The following ACAP2 variants were observed in gnomAD, a reference collection of about 807,000 sequenced individuals.
The protein encoded by ACAP2 is arf-GAP with coiled-coil, ANK repeat and PH domain-containing protein 2.
A neutral mutation model predicts 115.8 loss-of-function variants in ACAP2; 39 were observed. That is an observed-to-expected ratio of 0.34 (90% CI 0.26 to 0.44). The LOEUF is 0.44. ACAP2 is among the 20% of genes least tolerant of loss of function. The probability of loss-of-function intolerance (pLI) is 1.00; values close to 1 mark genes in which losing one functional copy is unlikely to be tolerated. For synonymous variants in ACAP2, 289 were observed against 315.8 expected, an observed-to-expected ratio of 0.92 and a Z score of 0.90; for missense variants, 662 against 927.6, an observed-to-expected ratio of 0.71 and a Z score of 3.72.
At chr3:195,373,012 A>AAAAAAAAAAAAAAAAC (rs1733273954) in intron 4 of ACAP2, among the ~76,000 whole-genome samples, 1 of 146,332 alleles carries the variant, frequency 6.8e-6, no homozygotes, top group African/African-American at 2.5e-5. Context: ...AAAAAAAAAA[A>AAAAAAAAAAAAAAAAC]GCCTAATGAT....
At chr3:195,363,471 C>T (rs562421111) in intron 4 of ACAP2, among the ~76,000 whole-genome samples, 4 of 152,134 alleles carry the variant, frequency 2.6e-5, no homozygotes, top group East Asian at 1.9e-4. Context: ...GAAGAAACTC[C>T]GTCTCTACTA....
intron 1 of ACAP2, among the ~76,000 whole-genome samples, chr3:195,427,759 AAGTT>A (rs1265892188): frequency 1.3e-5 from 2 of 151,878 alleles, no homozygotes; most frequent in African/African-American, 4.8e-5. Context: ...AAAATACAAA[AAGTT>A]AGCCAGATGT....
chr3:195,279,133 G>T lies in ACAP2; in HGVS notation c.*195C>A. On this transcript the variant is annotated 3_prime_UTR_variant, in exon 23 of 23. Coordinates refer to ENST00000326793, the MANE Select transcript of ACAP2 (RefSeq NM_012287.6). ...TAAATAGGCTTTTTTAATAAAAGAG[G>T]TCCTAAACTAGGTTCCTCTCCTACT... The T allele has an allele frequency of 2.3e-6, 1 of 433,496 alleles. No individual in the cohort carries two copies. Among genetic ancestry groups the T allele is most frequent in the Non-Finnish European group, 4.0e-6 (1 of 248,448 alleles). The allele number at this position is 433,496 out of a possible 1,614,324, so 26.9% of individuals were successfully genotyped here. A position where few individuals can be genotyped will look rare whatever the true frequency, so the allele number is the denominator to read the frequency against.
chr3:195,378,011 CAG>C (rs1272409728), intron 4 of ACAP2, among the ~76,000 whole-genome samples: 2 of 139,172 alleles, frequency 1.4e-5, no homozygotes, highest in African/African-American at 2.7e-5. Flanking sequence ...TTAGAGTCAA[CAG>C]AGAGTATGAG....
rs531370539 is a variant in ACAP2, at chr3:195,297,316, A to G, written c.1396-35T>C. The G allele has an allele frequency of 1.9e-6, 3 of 1,564,038 alleles. No homozygotes were observed. The South Asian group carries it at 3.4e-5, about 18-fold the overall frequency. On this transcript the variant is annotated intron_variant, in intron 15 of 22. Coordinates refer to ENST00000326793, the MANE Select transcript of ACAP2 (RefSeq NM_012287.6). ...AAAAAAAAATAGAAAAATAAGCTAT[A>G]CATTAAAGACCTTAAAATAAGCTAA... is the stretch of plus-strand genomic sequence containing the variant.
rs1472625170 is a variant in ACAP2 at position 195,308,811 on chromosome 3, T to C, written c.884A>G (p.Gln295Arg). ...NRRWFSIQNN[Q>R]LVYQKKFKDN... ...CTTAAATTTTTTCTGGTAAACCAACTGATTATTCTGTATTGAAAACCAGCG... is the reference window on the plus strand; with the variant it reads ...CTTAAATTTTTTCTGGTAAACCAACCGATTATTCTGTATTGAAAACCAGCG... The change falls in exon 11 of 23, where the codon CAG becomes CGG. Residue 295 changes from glutamine (Q) to arginine (R), a missense_variant. Gln to Arg is a conservative substitution (Grantham distance 43). Coordinates refer to ENST00000326793, the MANE Select transcript of ACAP2 (RefSeq NM_012287.6). 3.1e-6 allele frequency: 5 copies of C among 1,609,938 alleles called. No homozygotes were observed. Among genetic ancestry groups the C allele is most frequent in the Middle Eastern group, 1.6e-4 (1 of 6,072 alleles).
At position 195,342,574 on chromosome 3, in the gene ACAP2, G is replaced by A; in HGVS notation, c.425C>T (p.Ala142Val). The A allele has an allele frequency of 1.2e-6, 2 of 1,612,226 alleles. No individual in the cohort carries two copies. The highest frequency in any genetic ancestry group is 1.7e-5 in the Admixed American group (1 of 59,606). ...ATGTTGTTTGTTTCTTTGTACTTGG[G>A]CATTTTTTACTAACGCATTTTCTTT... ...EEKENALVKN[A>V]QVQRNKQHEV... is the part of the protein sequence containing the mutation. Residue 142 changes from alanine (A) to valine (V), a missense_variant, in exon 6 of 23, where the codon GCC becomes GTC. Ala to Val is a moderately conservative substitution (Grantham distance 64, BLOSUM62 0). Coordinates refer to ENST00000326793, the MANE Select transcript of ACAP2 (RefSeq NM_012287.6).
intron 10 of ACAP2, among the ~76,000 whole-genome samples, chr3:195,314,923 A>AT (rs1226992929): frequency 6.6e-6 from 1 of 152,260 alleles, no homozygotes; most frequent in Non-Finnish European, 1.5e-5. Flanking sequence ...TCTAAGTAAC[A>AT]TTTAAAAGAT....
At chr3:195,304,459 G>A (rs79844517) in intron 13 of ACAP2, among the ~76,000 whole-genome samples, 1,755 of 152,250 alleles carry the variant, frequency 0.012, 34 homozygotes, top group African/African-American at 0.039. Context: ...ATTCACGAAA[G>A]TATTAATAGG....
intron 4 of ACAP2, among the ~76,000 whole-genome samples, chr3:195,368,901 T>C (rs1732916141): frequency 6.6e-6 from 1 of 152,126 alleles, no homozygotes; most frequent in Admixed American, 6.5e-5. Flanking sequence ...CTGGCCAACA[T>C]GGCGAAACCC....
intron 4 of ACAP2, among the ~76,000 whole-genome samples, chr3:195,353,364 A>C (rs1383673148): frequency 1.3e-5 from 2 of 152,226 alleles, no homozygotes; most frequent in African/African-American, 4.8e-5. Flanking sequence ...ACAGCAGTAG[A>C]TAGCTAATAT....
chr3:195,324,686 G>A (rs1352904541), intron 9 of ACAP2, among the ~76,000 whole-genome samples: 6 of 152,044 alleles, frequency 3.9e-5, no homozygotes, highest in South Asian at 2.1e-4. Flanking sequence ...CCCAGGAGGC[G>A]GAGGTTGTAG....
chr3:195,370,551 T>A (rs1406532404), intron 4 of ACAP2, among the ~76,000 whole-genome samples: 1 of 152,136 alleles, frequency 6.6e-6, no homozygotes, highest in Admixed American at 6.5e-5. Flanking sequence ...ATCAGATGGT[T>A]GTAGGTGTGC....
chr3:195,295,774 C>T lies in ACAP2; in HGVS notation c.1606G>A (p.Glu536Lys). The T allele has an allele frequency of 6.2e-7, 1 of 1,614,098 alleles. No homozygotes were observed. Among genetic ancestry groups the T allele is most frequent in the Non-Finnish European group, 8.5e-7 (1 of 1,179,996 alleles). The part of the protein sequence containing the change: ...QKKFVSKSSE[E>K]KRLSISKFGP... Reference sequence around the variant, plus strand: ...AATTTAGAAATGCTCAGCCTCTTTTCTTCAGAACTTTTAGAGACAAACTTT... The same window carrying T: ...AATTTAGAAATGCTCAGCCTCTTTTTTTCAGAACTTTTAGAGACAAACTTT... The change falls in exon 17 of 23, where the codon GAA (glutamate) becomes AAA (lysine). Residue 536 changes from glutamate to lysine, a missense_variant. Physicochemically the swap from Glu to Lys is moderately conservative, Grantham distance 56. Around this residue, in one of 3 missense-constraint regions of ACAP2, gnomAD observed 133 missense variants for 123.1 expected, o/e 1.08. Coordinates refer to ENST00000326793, the MANE Select transcript of ACAP2 (RefSeq NM_012287.6).
rs1387474323 is a variant in ACAP2, at chr3:195,424,281, ATATTTTTTTTTTTTTTTTTT to A, written c.53+18494_53+18513del. Among the ~76,000 whole-genome samples, 12 of 49,386 alleles carry A rather than the reference ATATTTTTTTTTTTTTTTTTT, an allele frequency of 2.4e-4. No individual in the cohort carries two copies. The East Asian group carries it at 7.3e-3, about 30-fold the overall frequency. The allele number at this position is 49,386 out of a possible 152,430, so 32.4% of individuals were successfully genotyped here. On this transcript the variant is annotated intron_variant, in intron 1 of 22. Coordinates refer to ENST00000326793, the MANE Select transcript of ACAP2 (RefSeq NM_012287.6). ...TGTGTGTATATATATATATATATAT[ATATTTTTTTTTTTTTTTTTT>A]TTTTTTTTTTTGAAACAGAGTCTCG...
Position 195,381,894 on chromosome 3 carries a change from A to G in ACAP2, c.231+9T>C. ...TTTCATTTTTAACTGCAATTTTAGT[A>G]ATACTAACCTCAACGACAGCATCAT... On this transcript the variant is annotated intron_variant, in intron 3 of 22. Coordinates refer to ENST00000326793, the MANE Select transcript of ACAP2 (RefSeq NM_012287.6). 6.4e-7 allele frequency: 1 copy of G among 1,568,936 alleles called. No individual in the cohort carries two copies. Among genetic ancestry groups the G allele is most frequent in the Non-Finnish European group, 8.6e-7 (1 of 1,164,252 alleles).
chr3:195,391,293 G>A (rs576648413), intron 2 of ACAP2, among the ~76,000 whole-genome samples: 2 of 145,516 alleles, frequency 1.4e-5, no homozygotes, highest in African/African-American at 2.6e-5. Context: ...GCAATGGCAC[G>A]ATCTCAGCTC....
At chr3:195,309,842 CT>C (rs1728648159) in intron 10 of ACAP2, among the ~76,000 whole-genome samples, 3 of 152,136 alleles carry the variant, frequency 2.0e-5, no homozygotes, top group African/African-American at 7.2e-5. Flanking sequence ...TACTTACGAT[CT>C]TTTTTAGAAG....
intron 1 of ACAP2, chr3:195,441,651 G>C (rs149958102): frequency 5.6e-4 from 85 of 152,366 alleles, no homozygotes; most frequent in African/African-American, 2.0e-3. Context: ...GCTTGGCCCA[G>C]ACATTAGCGG....
Sources: gnomAD v4.1 joint callset for allele counts (sites outside exome capture counted in the v4.1 genomes callset) on GRCh38, gnomAD v4.1.1 for gene constraint, gnomAD v4.1.1 regional missense constraint, MANE v1.5 for transcripts, NCBI Gene and HGNC (gene_info 2026-07-23, HGNC 2026-07-21) for gene names.